Variants in TWSG1 observed in about 807,000 individuals in gnomAD.
TWSG1 encodes twisted gastrulation BMP signaling modulator 1.
In TWSG1, 15 loss-of-function variants were observed where a neutral mutation model predicts 23.0. The ratio of observed to expected loss-of-function variants is 0.65; its 90% CI spans 0.44 to 1.00. The LOEUF is 1.00. Ranked by LOEUF, TWSG1 falls within the 50% of genes least tolerant of loss-of-function variation. The pLI is 0.00. For synonymous variants in TWSG1, 86 were observed against 92.8 expected (o/e 0.93, Z 0.42); for missense variants, 242 against 278.7 (o/e 0.87, Z 0.94).
intron 2 of TWSG1, among the ~76,000 whole-genome samples, chr18:9,352,401 T>A (rs534000977): frequency 6.6e-6 from 1 of 152,246 alleles, no homozygotes; most frequent in East Asian, 1.9e-4. Context: ...CCCATATGGG[T>A]CTTTTTATGG....
chr18:9,378,358 A>G (rs2040640732), intron 3 of TWSG1, among the ~76,000 whole-genome samples: 1 of 152,214 alleles, frequency 6.6e-6, no homozygotes, highest in South Asian at 2.1e-4. Flanking sequence ...TTCTATATCT[A>G]GAAAACCCCA....
intron 2 of TWSG1, among the ~76,000 whole-genome samples, chr18:9,358,752 G>A (rs1000493532): frequency 2.5e-4 from 38 of 152,162 alleles, no homozygotes; most frequent in African/African-American, 8.4e-4. Context: ...CTATAGAAGC[G>A]ATTCAGGTGT....
chr18:9,388,997 A>T (rs2040698549), intron 3 of TWSG1, among the ~76,000 whole-genome samples: 1 of 151,700 alleles, frequency 6.6e-6, no homozygotes, highest in Non-Finnish European at 1.5e-5. Context: ...TGTTTTTGAG[A>T]TGGAATTTCG....
In TWSG1 at chr18:9,396,289, A is replaced by T; in HGVS notation, c.233A>T (p.Asn78Ile). The T allele has an allele frequency of 6.2e-7, 1 of 1,614,090 alleles. No individual in the cohort carries two copies. The highest frequency in any genetic ancestry group is 8.5e-7 in the Non-Finnish European group (1 of 1,180,006). The stretch of plus-strand genomic sequence containing the variant: ...ATTACCCCCAACCCAGGTATGTGTA[A>T]TCCTCGAAATTATAGTGACACACCT... ...DECCDCVGMCNPRNYSDTPPT... is the reference protein window; with the variant it reads ...DECCDCVGMCIPRNYSDTPPT... Residue 78 changes from asparagine to isoleucine, a missense_variant, in exon 4 of 5, where the codon AAT becomes ATT. Coordinates refer to ENST00000262120, the MANE Select transcript of TWSG1 (RefSeq NM_020648.6).
chr18:9,361,895 A>G (rs1382228738), intron 3 of TWSG1, among the ~76,000 whole-genome samples: 5 of 152,134 alleles, frequency 3.3e-5, no homozygotes, highest in Non-Finnish European at 7.4e-5. Context: ...CCACTCTGGC[A>G]CCTCCAGCTC....
intron 3 of TWSG1, among the ~76,000 whole-genome samples, chr18:9,389,522 T>C (rs190803901): frequency 6.6e-6 from 1 of 152,298 alleles, no homozygotes; most frequent in African/African-American, 2.4e-5. Context: ...AATAAAGGGA[T>C]CAGATTTGAT....
At chr18:9,343,454 A>T (rs1011804548) in intron 2 of TWSG1, among the ~76,000 whole-genome samples, 5 of 151,956 alleles carry the variant, frequency 3.3e-5, no homozygotes, top group Non-Finnish European at 7.4e-5. Flanking sequence ...TATAAAATTT[A>T]CCCATTTAAG....
rs185432632 is a variant in TWSG1 at position 9,368,823 on chromosome 18, C to T, written c.223+8752C>T. On this transcript the variant is annotated intron_variant, in intron 3 of 4. Coordinates refer to ENST00000262120, the MANE Select transcript of TWSG1 (RefSeq NM_020648.6). ...ATTAGCTGGGCATGGTGGCACACAC[C>T]TGTAATCCCAGCTATTCGGGAGGCT... 1.4e-3 allele frequency among the ~76,000 whole-genome samples: 212 copies of T among 152,182 alleles called. 1 individual carries two copies. Among genetic ancestry groups the T allele is most frequent in the African/African-American group, 5.0e-3 (206 of 41,528 alleles).
intron 3 of TWSG1, among the ~76,000 whole-genome samples, chr18:9,392,559 T>C (rs982147639): frequency 6.6e-6 from 1 of 152,208 alleles, no homozygotes; most frequent in African/African-American, 2.4e-5. Flanking sequence ...TTCACTTTCT[T>C]AGCATCCATG....
At chr18:9,362,557 A>G (rs1357461648) in intron 3 of TWSG1, among the ~76,000 whole-genome samples, 2 of 152,196 alleles carry the variant, frequency 1.3e-5, no homozygotes, top group African/African-American at 4.8e-5. Context: ...ACACAAATGA[A>G]CTTTTATTAA....
chr18:9,337,110 T>G, intron 1 of TWSG1, 83 bp from the exon 2 acceptor site: 1 of 1,179,862 alleles, frequency 8.5e-7, no homozygotes, highest in Non-Finnish European at 1.2e-6. Flanking sequence ...CAATGAGTCT[T>G]AGTTTATGTT....
At chr18:9,368,247 G>T (rs544960905) in intron 3 of TWSG1, among the ~76,000 whole-genome samples, 13 of 152,160 alleles carry the variant, frequency 8.5e-5, no homozygotes, top group African/African-American at 2.4e-4. Context: ...TGTCACCCAG[G>T]CTGGAGTGCA....
intron 3 of TWSG1, among the ~76,000 whole-genome samples, chr18:9,385,730 G>C (rs2040679772): frequency 1.3e-5 from 2 of 149,912 alleles, no homozygotes; most frequent in Non-Finnish European, 1.5e-5. Context: ...AAGAAAGAAC[G>C]AAGTAAAAAG....
At chr18:9,374,089 A>C (rs571874287) in intron 3 of TWSG1, among the ~76,000 whole-genome samples, 1 of 152,354 alleles carries the variant, frequency 6.6e-6, no homozygotes, top group Non-Finnish European at 1.5e-5. Flanking sequence ...TATATATTCA[A>C]AAAGACAAAA....
At chr18:9,364,737 T>TGA (rs1405029613) in intron 3 of TWSG1, among the ~76,000 whole-genome samples, 1 of 151,478 alleles carries the variant, frequency 6.6e-6, no homozygotes, top group Non-Finnish European at 1.5e-5. Flanking sequence ...GAAGTTGCAG[T>TGA]GAGCCGAGAT....
intron 4 of TWSG1, among the ~76,000 whole-genome samples, 157 bp from the exon 5 acceptor site, chr18:9,399,189 T>C (rs563072727): frequency 2.6e-4 from 39 of 152,332 alleles, no homozygotes; most frequent in African/African-American, 9.1e-4. Context: ...AATTAATAAA[T>C]GAAGATCTTT....
rs202243270 is a variant in TWSG1, at chr18:9,359,948, G to A, written c.124-24G>A. On this transcript the variant is annotated intron_variant, in intron 2 of 4. Coordinates refer to ENST00000262120, the MANE Select transcript of TWSG1 (RefSeq NM_020648.6). ...TATATATGATTATTTGGAATTTGAA[G>A]TTTAACATCTGTCTTGTTTCTAGGA... The A allele has an allele frequency of 1.8e-4, 291 of 1,602,550 alleles. No homozygotes were observed. The African/African-American group carries it at 3.3e-3, about 18-fold the overall frequency.
chr18:9,374,175 AAAG>A (rs1431097081), intron 3 of TWSG1, among the ~76,000 whole-genome samples: 2 of 152,216 alleles, frequency 1.3e-5, no homozygotes, highest in Admixed American at 1.3e-4. Context: ...AAGCAGAAGA[AAAG>A]AAGTAATACA....
At chr18:9,387,518 A>G (rs2040690500) in intron 3 of TWSG1, among the ~76,000 whole-genome samples, 1 of 152,086 alleles carries the variant, frequency 6.6e-6, no homozygotes, top group South Asian at 2.1e-4. Context: ...TAATCCCAGC[A>G]CTTTGGGAGT....
Sources: allele counts gnomAD v4.1 joint callset (sites outside exome capture counted in the v4.1 genomes callset), GRCh38; gene constraint gnomAD v4.1.1; transcripts MANE v1.5; gene names NCBI Gene and HGNC (gene_info 2026-07-23, HGNC 2026-07-21).